The following COL5A1 variants were observed in gnomAD, a reference collection of about 807,000 sequenced individuals.
COL5A1 encodes collagen type V alpha 1 chain.
COL5A1 carries 16 observed loss-of-function variants against 263.7 expected under a neutral mutation model. The ratio of observed to expected loss-of-function variants is 0.06; its 90% CI spans 0.04 to 0.09. The LOEUF is 0.09. Ranked by LOEUF, COL5A1 falls within the 10% of genes least tolerant of loss-of-function variation. The pLI is 1.00. For missense variants in COL5A1, 2,036 were observed against 2,540.5 expected (o/e 0.80, Z 4.27); for synonymous variants, 1,012 against 1,004.5 (o/e 1.01, Z -0.14).
Position 134,835,179 on chromosome 9 carries a change from T to C in COL5A1, c.5345T>C (p.Ile1782Thr), listed in dbSNP as rs1403819684. 5.0e-6 allele frequency: 8 copies of C among 1,613,714 alleles called. No individual in the cohort carries two copies. Among genetic ancestry groups the C allele is most frequent in the Non-Finnish European group, 6.8e-6 (8 of 1,180,012 alleles). The change falls in exon 65 of 66, where the codon ATC becomes ACC. Residue 1782 changes from isoleucine to threonine, a missense_variant. Transcript: ENST00000371817. ...EEMSYDNNPY[I>T]RALVDGCATK... Reference sequence around the variant, plus strand: ...ATGTCCTATGACAACAACCCCTACATCCGCGCCCTGGTGGACGGCTGTGCT... The same window carrying C: ...ATGTCCTATGACAACAACCCCTACACCCGCGCCCTGGTGGACGGCTGTGCT...
chr9:134,794,928 C>A lies in COL5A1; in HGVS notation c.2701-154C>A, dbSNP rs1473407967. Among the ~76,000 whole-genome samples the A allele has an allele frequency of 6.6e-6, 1 of 152,180 alleles. No homozygotes were observed. Among genetic ancestry groups the A allele is most frequent in the Non-Finnish European group, 1.5e-5 (1 of 68,036 alleles). ...TGAGCTTCTCGCCCTGATAAATCTC[C>A]TATTAAAACACGGAAAAGGTGGGTG... On this transcript the variant is annotated intron_variant, in intron 32 of 65. Transcript: ENST00000371817. This position sits in a 1 kb window ranked among gnomAD's most constrained non-coding sequence, Gnocchi z 4.3.
At chr9:134,759,051 T>G (rs2132700655) in intron 18 of COL5A1, among the ~76,000 whole-genome samples, 1 of 152,244 alleles carries the variant, frequency 6.6e-6, no homozygotes. Flanking sequence ...TGCCCTGCTT[T>G]CTCAGCCCAT....
At chr9:134,793,443 G>T (rs1837791694) in intron 32 of COL5A1, among the ~76,000 whole-genome samples, 1 of 152,122 alleles carries the variant, frequency 6.6e-6, no homozygotes, top group Non-Finnish European at 1.5e-5. Context: ...TTTGGCTTGA[G>T]TTAGTTTATA....
chr9:134,804,546 C>G lies in COL5A1; in HGVS notation c.3115-429C>G, dbSNP rs984730024. On this transcript the variant is annotated intron_variant, in intron 39 of 65. Coordinates refer to ENST00000371817, the MANE Select transcript of COL5A1 (RefSeq NM_000093.5). ...TGCCCTCAGCTCCCACATGGCCCATCGTAGCCCTTAAGGGCCTTGGGAGGA... is the reference window on the plus strand; with the variant it reads ...TGCCCTCAGCTCCCACATGGCCCATGGTAGCCCTTAAGGGCCTTGGGAGGA... 3.3e-5 allele frequency among the ~76,000 whole-genome samples: 5 copies of G among 152,346 alleles called. No individual in the cohort carries two copies. The South Asian group carries it at 1.0e-3, about 32-fold the overall frequency.
Position 134,811,617 on chromosome 9 carries a change from A to C in COL5A1, c.3690+18A>C. On this transcript the variant is annotated intron_variant, in intron 46 of 65. Coordinates refer to ENST00000371817, the MANE Select transcript of COL5A1 (RefSeq NM_000093.5). ...GGCTGCAGGTAACTGTGGGGTTCTCACCACACCGGGCTCCTCCGCTTCTGA... is the reference window on the plus strand; with the variant it reads ...GGCTGCAGGTAACTGTGGGGTTCTCCCCACACCGGGCTCCTCCGCTTCTGA... 1.3e-6 allele frequency: 2 copies of C among 1,521,676 alleles called. No homozygotes were observed. Among genetic ancestry groups the C allele is most frequent in the Non-Finnish European group, 1.8e-6 (2 of 1,119,726 alleles). The allele number at this position is 1,521,676 out of a possible 1,614,324, so 94.3% of individuals were successfully genotyped here.
intron 11 of COL5A1, 39 bp downstream of exon 11, chr9:134,738,847 G>A (rs1345150414): frequency 5.7e-6 from 9 of 1,565,380 alleles, no homozygotes; most frequent in East Asian, 2.2e-5. Flanking sequence ...CACACAAGGT[G>A]TGGGGCTGCC....
rs772157071 is a variant in COL5A1 at position 134,750,816 on chromosome 9, G to A, written c.1596G>A (p.Ala532=). ...TCCGGTTTGGAGGTGGCGGCGATGC[G>A]GGCTCCAAAGGCCCCATGGTCTCAG... ...LPFRFGGGGD[A]GSKGPMVSAQ... Residue 532 remains alanine (A), a synonymous_variant, in exon 13 of 66, where the codon GCG becomes GCA. Transcript: ENST00000371817. 4.6e-5 allele frequency: 75 copies of A among 1,613,234 alleles called. 4 individuals are homozygous for A. The South Asian group carries it at 7.5e-4, about 16-fold the overall frequency.
intron 1 of COL5A1, among the ~76,000 whole-genome samples, chr9:134,675,552 T>C (rs1184364805): frequency 6.6e-6 from 1 of 152,264 alleles, no homozygotes; most frequent in Non-Finnish European, 1.5e-5. Context: ...TCTCTATTGC[T>C]GCGGAACAAT....
chr9:134,754,370 C>T lies in COL5A1; in HGVS notation c.1827+44C>T, dbSNP rs1410415155. The stretch of plus-strand genomic sequence containing the variant: ...TGTGGTTTAGTGACAGCAGCTTGGG[C>T]GCTGGAGGAGCCCAAATCTGGGGTG... On this transcript the variant is annotated intron_variant, in intron 16 of 65. Coordinates refer to ENST00000371817, the MANE Select transcript of COL5A1 (RefSeq NM_000093.5). This position sits in a 1 kb window ranked among gnomAD's most constrained non-coding sequence, Gnocchi z 4.3. The T allele has an allele frequency of 6.8e-6, 11 of 1,611,190 alleles. No individual in the cohort carries two copies. The highest frequency in any genetic ancestry group is 1.7e-5 in the Admixed American group (1 of 59,996).
At chr9:134,687,684 G>A (rs1370763159) in intron 1 of COL5A1, among the ~76,000 whole-genome samples, 3 of 152,216 alleles carry the variant, frequency 2.0e-5, no homozygotes, top group Non-Finnish European at 2.9e-5. Context: ...TGGGTGTGGA[G>A]ACCACACGCG....
intron 61 of COL5A1, 82 bp downstream of exon 61, chr9:134,823,551 T>A: frequency 1.4e-6 from 2 of 1,414,552 alleles, no homozygotes; most frequent in Non-Finnish European, 2.0e-6. Flanking sequence ...TGTGTGTGTG[T>A]GACCCCTCCT....
chr9:134,823,615 G>A lies in COL5A1; in HGVS notation c.4698+146G>A, dbSNP rs75918373. ...CGGGCCTTGTCCCTCGCACGCAGCC[G>A]GGGAAATGAGCCACACAGGTCTATC... On this transcript the variant is annotated intron_variant, in intron 61 of 65. Coordinates refer to ENST00000371817, the MANE Select transcript of COL5A1 (RefSeq NM_000093.5). 4.8e-3 allele frequency: 3,809 copies of A among 789,596 alleles called. 121 individuals are homozygous for A. The African/African-American group carries it at 0.057, about 12-fold the overall frequency. The allele number at this position is 789,596 out of a possible 1,614,324, so 48.9% of individuals were successfully genotyped here. A position where few individuals can be genotyped will look rare whatever the true frequency, so the allele number is the denominator to read the frequency against.
chr9:134,748,114 CACAGACATGCATCCACACATGCAT>C (rs1564429173), intron 11 of COL5A1, among the ~76,000 whole-genome samples: 24 of 81,552 alleles, frequency 2.9e-4, no homozygotes, highest in African/African-American at 9.2e-4. Context: ...CACATGCATA[CACAGACATGCATCCACACATGCAT>C]ACACATGCAT....
At chr9:134,783,781 G>A (rs760189294) in intron 29 of COL5A1, among the ~76,000 whole-genome samples, 2 of 152,194 alleles carry the variant, frequency 1.3e-5, no homozygotes, top group African/African-American at 4.8e-5. Context: ...GATCTCTTGC[G>A]CAATGTTGTC....
chr9:134,703,135 C>A (rs115252081), intron 4 of COL5A1, among the ~76,000 whole-genome samples: 4 of 152,208 alleles, frequency 2.6e-5, no homozygotes, highest in African/African-American at 9.6e-5. Context: ...TTCTGCTGAA[C>A]GTGCAGTTGG....
chr9:134,773,139 G>T (rs1395038428), intron 26 of COL5A1, among the ~76,000 whole-genome samples: 1 of 152,246 alleles, frequency 6.6e-6, no homozygotes, highest in African/African-American at 2.4e-5. Flanking sequence ...TCCGTGTTCA[G>T]CCCTGGTCTT....
rs1319489140 is a variant in COL5A1 at position 134,766,457 on chromosome 9, G to C, written c.2092G>C (p.Val698Leu). The change falls in exon 22 of 66, where the codon GTC (valine) becomes CTC (leucine). Residue 698 changes from valine (V) to leucine (L), a missense_variant. By Grantham distance (32) the Val-to-Leu change is conservative. Around this residue, in one of 3 missense-constraint regions of COL5A1, gnomAD observed 1,078 missense variants for 1,521.4 expected, o/e 0.71. Coordinates refer to ENST00000371817, the MANE Select transcript of COL5A1 (RefSeq NM_000093.5). ...GPPGPPGPPG[V>L]TGMDGQPGPK... Reference sequence around the variant, plus strand: ...TTCTTCTTAAAATCGTACACAGGGTGTCACGGGTATGGACGGCCAGCCGGG... The same window carrying C: ...TTCTTCTTAAAATCGTACACAGGGTCTCACGGGTATGGACGGCCAGCCGGG... 6.8e-6 allele frequency: 11 copies of C among 1,614,182 alleles called. No individual in the cohort carries two copies. The highest frequency in any genetic ancestry group is 3.3e-4 in the Middle Eastern group (2 of 6,062).
At chr9:134,643,184 G>C (rs1222908180) in intron 1 of COL5A1, among the ~76,000 whole-genome samples, 1 of 152,114 alleles carries the variant, frequency 6.6e-6, no homozygotes, top group Admixed American at 6.5e-5. Context: ...GCTTCCTGAC[G>C]GGGGAGTTTT....
In COL5A1 at chr9:134,738,197, C is replaced by T. The variant is rs79210210; in HGVS notation, c.1390-277C>T. Among the ~76,000 whole-genome samples, 4,164 of 152,266 alleles carry T rather than the reference C, an allele frequency of 0.027. 71 individuals are homozygous for T. The highest frequency in any genetic ancestry group is 0.037 in the Middle Eastern group (11 of 294). On this transcript the variant is annotated intron_variant, in intron 9 of 65. Transcript: ENST00000371817. ...TCTCGGCTCCTTTTCCTCATCTCGGCGTCTTCAGGTGCTTCTCGTGGCGCT... is the reference window on the plus strand; with the variant it reads ...TCTCGGCTCCTTTTCCTCATCTCGGTGTCTTCAGGTGCTTCTCGTGGCGCT...
Sources: allele counts gnomAD v4.1 joint callset (sites outside exome capture counted in the v4.1 genomes callset), GRCh38; gene constraint gnomAD v4.1.1; regional missense constraint gnomAD v4.1.1; non-coding constraint Gnocchi (gnomAD v3.1); transcripts MANE v1.5; gene names NCBI Gene and HGNC (gene_info 2026-07-23, HGNC 2026-07-21).